The following DNAI4 variants were observed in gnomAD, a reference collection of about 807,000 sequenced individuals.
DNAI4 encodes dynein axonemal intermediate chain 4.
In DNAI4, 85 loss-of-function variants were observed where a neutral mutation model predicts 105.8. That is an observed-to-expected ratio of 0.80 (90% CI 0.67 to 0.96). DNAI4 has a LOEUF of 0.96. DNAI4 is among the 40% of genes least tolerant of loss of function. The pLI is 0.00. For synonymous variants in DNAI4, 352 were observed against 331.5 expected, an observed-to-expected ratio of 1.06 and a Z score of -0.67; for missense variants, 1,014 against 1,005.6, an observed-to-expected ratio of 1.01 and a Z score of -0.11.
intron 8 of DNAI4, among the ~76,000 whole-genome samples, chr1:66,842,359 G>C (rs527439247): frequency 6.6e-6 from 1 of 152,012 alleles, no homozygotes; most frequent in Non-Finnish European, 1.5e-5. Context: ...TAAATCATAC[G>C]GTAAGAGTAT....
At chr1:66,896,658 T>C (rs1286025624) in intron 2 of DNAI4, among the ~76,000 whole-genome samples, 1 of 152,142 alleles carries the variant, frequency 6.6e-6, no homozygotes, top group Non-Finnish European at 1.5e-5. Context: ...AAGTCTGTTA[T>C]AAAAGCCAGT....
intron 4 of DNAI4, among the ~76,000 whole-genome samples, chr1:66,887,456 T>C (rs1647251464): frequency 6.6e-6 from 1 of 152,196 alleles, no homozygotes; most frequent in African/African-American, 2.4e-5. Context: ...CACAGAATTT[T>C]TTATTCAGTA....
At chr1:66,895,468 C>T (rs1350744352) in intron 2 of DNAI4, among the ~76,000 whole-genome samples, 1 of 152,128 alleles carries the variant, frequency 6.6e-6, no homozygotes, top group Non-Finnish European at 1.5e-5. Context: ...AGACTCATCT[C>T]TAAAAAAATT....
intron 8 of DNAI4, 145 bp from the exon 9 acceptor site, chr1:66,840,816 T>G: frequency 2.4e-6 from 2 of 826,350 alleles, no homozygotes; most frequent in South Asian, 3.5e-5. Flanking sequence ...CAGGGCACCA[T>G]GAAGGGCAGC....
In DNAI4 at chr1:66,912,449, G is replaced by A. The variant is rs547869159; in HGVS notation, c.171-7074C>T. On this transcript the variant is annotated intron_variant, in intron 1 of 16. Transcript: ENST00000371026. Reference sequence around the variant, plus strand: ...ACACCATTGCACTCCAGCTTGGGGCGACAGAGTGCGACTGTGTCTCAAAAA... The same window carrying A: ...ACACCATTGCACTCCAGCTTGGGGCAACAGAGTGCGACTGTGTCTCAAAAA... Among the ~76,000 whole-genome samples the A allele has an allele frequency of 3.3e-5, 5 of 151,724 alleles. No homozygotes were observed. In the South Asian group the frequency reaches 6.3e-4, roughly 19 times the overall value.
At chr1:66,857,974 T>C (rs1008033959) in intron 7 of DNAI4, among the ~76,000 whole-genome samples, 4 of 152,160 alleles carry the variant, frequency 2.6e-5, no homozygotes, top group African/African-American at 9.7e-5. Context: ...GAAAAATGGA[T>C]AATCTGAATT....
chr1:66,846,799 T>A (rs1646285626), intron 8 of DNAI4, among the ~76,000 whole-genome samples: 1 of 152,200 alleles, frequency 6.6e-6, no homozygotes, highest in African/African-American at 2.4e-5. Context: ...ACTATTAACC[T>A]CACAAAGTTT....
chr1:66,868,473 A>G lies in DNAI4; in HGVS notation c.940+2897T>C, dbSNP rs188645340. Among the ~76,000 whole-genome samples the G allele has an allele frequency of 4.4e-4, 67 of 152,254 alleles. 1 individual carries two copies. Among genetic ancestry groups the G allele is most frequent in the African/African-American group, 1.5e-3 (61 of 41,534 alleles). On this transcript the variant is annotated intron_variant, in intron 6 of 16. Coordinates refer to ENST00000371026, the MANE Select transcript of DNAI4 (RefSeq NM_024763.5). The stretch of plus-strand genomic sequence containing the variant: ...TGAGTAAAGCAGATGGCTCTCTCCA[A>G]TGTGGTGGGCATCATCCAATACACT...
chr1:66,873,147 G>C (rs1172473440), intron 5 of DNAI4, among the ~76,000 whole-genome samples: 1 of 151,380 alleles, frequency 6.6e-6, no homozygotes, highest in African/African-American at 2.4e-5. Context: ...TCAACCTGAG[G>C]GAATTCTTCT....
At chr1:66,884,888 C>T (rs1209703696) in intron 4 of DNAI4, among the ~76,000 whole-genome samples, 1 of 152,140 alleles carries the variant, frequency 6.6e-6, no homozygotes. Flanking sequence ...TGCCGGATAG[C>T]AGAGAACAGC....
intron 4 of DNAI4, 114 bp downstream of exon 4, chr1:66,891,040 G>A: frequency 1.1e-6 from 1 of 870,998 alleles, no homozygotes; most frequent in Non-Finnish European, 1.9e-6. Context: ...GACTTCACAA[G>A]CCAGCATTTG....
chr1:66,897,161 G>A (rs559346327), intron 2 of DNAI4, among the ~76,000 whole-genome samples: 17 of 152,268 alleles, frequency 1.1e-4, no homozygotes, highest in South Asian at 8.3e-4. Context: ...ATTAGAAACC[G>A]GAATAAAGGC....
At chr1:66,905,024 T>C (rs1054650034) in intron 2 of DNAI4, 177 bp downstream of exon 2, 23 of 458,120 alleles carry the variant, frequency 5.0e-5, no homozygotes, top group Non-Finnish European at 7.1e-5. Flanking sequence ...TAACTAGTTA[T>C]AGGAGCCAAG....
intron 4 of DNAI4, among the ~76,000 whole-genome samples, chr1:66,880,723 T>C (rs1480512965): frequency 6.6e-6 from 1 of 152,162 alleles, no homozygotes; most frequent in Non-Finnish European, 1.5e-5. Flanking sequence ...GAAAATCCCA[T>C]TTTCTGAAAT....
chr1:66,885,251 C>A (rs1350729336), intron 4 of DNAI4, among the ~76,000 whole-genome samples: 1 of 152,044 alleles, frequency 6.6e-6, no homozygotes, highest in African/African-American at 2.4e-5. Context: ...GTTTTATGGC[C>A]CAGAATGTGG....
chr1:66,924,424 G>T (rs1650955001), intron 1 of DNAI4, among the ~76,000 whole-genome samples: 1 of 150,864 alleles, frequency 6.6e-6, no homozygotes. Context: ...CACCCCACTC[G>T]GCCTCCCAAA....
At chr1:66,833,956 G>A (rs752682736) in intron 12 of DNAI4, 35 bp downstream of exon 12, 70 of 1,558,132 alleles carry the variant, frequency 4.5e-5, no homozygotes, top group Middle Eastern at 1.7e-4. Context: ...AATTCAGCAC[G>A]TAACAAGAAA....
chr1:66,899,263 A>T (rs1418951460), intron 2 of DNAI4, among the ~76,000 whole-genome samples: 1 of 152,186 alleles, frequency 6.6e-6, no homozygotes, highest in African/African-American at 2.4e-5. Context: ...AGCACTTGTT[A>T]TGTGACTCTT....
chr1:66,873,836 CT>C (rs1262589490), intron 5 of DNAI4, among the ~76,000 whole-genome samples: 1 of 125,940 alleles, frequency 7.9e-6, no homozygotes, highest in Non-Finnish European at 1.7e-5. Flanking sequence ...CTGTCCCTTT[CT>C]TTTTTCCCTC....
Sources: gnomAD v4.1 joint callset for allele counts (sites outside exome capture counted in the v4.1 genomes callset) on GRCh38, gnomAD v4.1.1 for gene constraint, MANE v1.5 for transcripts, NCBI Gene and HGNC (gene_info 2026-07-23, HGNC 2026-07-21) for gene names.